SMG1: variants seen among roughly 807,000 people sequenced by gnomAD.
SMG1 encodes the protein SMG1 nonsense mediated mRNA decay associated PI3K related kinase, also known as serine/threonine-protein kinase SMG1.
SMG1 carries 22 observed loss-of-function variants against 419.9 expected under a neutral mutation model. That is an observed-to-expected ratio of 0.05 (90% CI 0.04 to 0.07). The LOEUF is 0.07. Ranked by LOEUF, SMG1 falls within the 10% of genes least tolerant of loss-of-function variation. SMG1 has a pLI of 1.00. For synonymous variants in SMG1, 1,538 were observed against 1,553.5 expected, an observed-to-expected ratio of 0.99 and a Z score of 0.23; for missense variants, 3,185 against 4,342.0, an observed-to-expected ratio of 0.73 and a Z score of 7.49.
chr16:18,850,569 G>C, intron 33 of SMG1, 102 bp from the exon 34 acceptor site: 1 of 732,600 alleles, frequency 1.4e-6, no homozygotes, highest in Non-Finnish European at 2.2e-6. Flanking sequence ...ATATATAAAA[G>C]ATAAAATTAT....
At chr16:18,880,351 T>C (rs529479568) in intron 10 of SMG1, among the ~76,000 whole-genome samples, 1 of 152,226 alleles carries the variant, frequency 6.6e-6, no homozygotes, top group African/African-American at 2.4e-5. Context: ...TGTTAAAAAA[T>C]ATTTCTATAA....
At chr16:18,837,188 T>C in intron 46 of SMG1, 65 bp downstream of exon 46, 1 of 1,382,760 alleles carries the variant, frequency 7.2e-7, no homozygotes, top group Non-Finnish European at 9.9e-7. Flanking sequence ...CATATTGATG[T>C]TTACATGAAT....
At chr16:18,887,677 A>T (rs1276624116) in intron 6 of SMG1, among the ~76,000 whole-genome samples, 24 of 71,708 alleles carry the variant, frequency 3.3e-4, no homozygotes, top group Middle Eastern at 7.7e-3. Context: ...TTATTTAAAA[A>T]AAAAAAAAAA....
chr16:18,842,677 T>TA (rs1255009765), intron 39 of SMG1, among the ~76,000 whole-genome samples: 1 of 151,972 alleles, frequency 6.6e-6, no homozygotes, highest in Admixed American at 6.6e-5. Context: ...ATACAAAAGT[T>TA]AGTCAGGCAC....
chr16:18,866,861 G>C (rs1394122309), intron 22 of SMG1, 86 bp from the exon 23 acceptor site: 1 of 963,298 alleles, frequency 1.0e-6, no homozygotes, highest in Non-Finnish European at 1.6e-6. Context: ...GTCTGTGCCT[G>C]CTTAAAGCCA....
intron 36 of SMG1, 76 bp from the exon 37 acceptor site, chr16:18,848,109 G>T: frequency 8.1e-7 from 1 of 1,234,662 alleles, no homozygotes; most frequent in African/African-American, 1.5e-5. Flanking sequence ...GGAAAACACT[G>T]ATAATCTATT....
In SMG1 at chr16:18,807,542, A is replaced by AT. The variant is rs2030951741; in HGVS notation, c.*2026_*2027insA. 2 of 152,178 alleles carry AT rather than the reference A, an allele frequency of 1.3e-5. No individual in the cohort carries two copies. Among genetic ancestry groups the AT allele is most frequent in the African/African-American group, 4.8e-5 (2 of 41,408 alleles). The allele number at this position is 152,178 out of a possible 1,614,324, so 9.4% of individuals were successfully genotyped here. Reference sequence around the variant, plus strand: ...ATCCACCGTGCCTACAATACTTGTTAAAGTACCAAAAAAGCACTGATACTG... The same window carrying AT: ...ATCCACCGTGCCTACAATACTTGTTATAAGTACCAAAAAAGCACTGATACTG... On this transcript the variant is annotated 3_prime_UTR_variant, in exon 63 of 63. Coordinates refer to ENST00000446231, the MANE Select transcript of SMG1 (RefSeq NM_015092.5).
intron 31 of SMG1, among the ~76,000 whole-genome samples, 164 bp downstream of exon 31, chr16:18,853,419 C>T (rs1567370788): frequency 6.6e-6 from 1 of 152,104 alleles, no homozygotes; most frequent in Non-Finnish European, 1.5e-5. Flanking sequence ...AAATGGCATT[C>T]GATCCTAAAT....
At chr16:18,876,917 C>A (rs2036162760) in intron 12 of SMG1, among the ~76,000 whole-genome samples, 1 of 151,924 alleles carries the variant, frequency 6.6e-6, no homozygotes, top group Non-Finnish European at 1.5e-5. Flanking sequence ...GCAAAAGATG[C>A]ATAGTCTGAA....
At position 18,836,380 on chromosome 16, in the gene SMG1, A is replaced by C. The variant is rs1007240709; in HGVS notation, c.7757T>G (p.Ile2586Arg). 6.2e-7 allele frequency: 1 copy of C among 1,613,902 alleles called. No individual in the cohort carries two copies. The highest frequency in any genetic ancestry group is 8.5e-7 in the Non-Finnish European group (1 of 1,179,828). Residue 2586 changes from isoleucine (I) to arginine (R), a missense_variant, in exon 47 of 63, where the codon ATA (isoleucine) becomes AGA (arginine). Coordinates refer to ENST00000446231, the MANE Select transcript of SMG1 (RefSeq NM_015092.5). ...CATACCAAGGTCCATTTGTGTGCTT[A>C]TCTCTTGAAGCAAGCTTGCAAGCTG... is the stretch of plus-strand genomic sequence containing the variant. Reference protein sequence around the residue: ...ATQLASLLQEISTQMDLGPPS... With the variant: ...ATQLASLLQERSTQMDLGPPS...
In SMG1 at chr16:18,908,902, T is replaced by C. The variant is rs145917166; in HGVS notation, c.93-11946A>G. On this transcript the variant is annotated intron_variant, in intron 1 of 62. Coordinates refer to ENST00000446231, the MANE Select transcript of SMG1 (RefSeq NM_015092.5). ...CTCAAAAAAAAAAAAAAGAAATGTA[T>C]GCAACCATTTTTTTCAACTCCTGAA... Among the ~76,000 whole-genome samples, 1,136 of 151,784 alleles carry C rather than the reference T, an allele frequency of 7.5e-3. 17 individuals are homozygous for C. The highest frequency in any genetic ancestry group is 0.026 in the African/African-American group (1,079 of 41,394).
intron 1 of SMG1, among the ~76,000 whole-genome samples, chr16:18,902,279 G>T (rs527394046): frequency 6.6e-6 from 1 of 152,092 alleles, no homozygotes; most frequent in Non-Finnish European, 1.5e-5. Flanking sequence ...GAACTTCCCC[G>T]AACTCTGCCC....
In SMG1 at chr16:18,836,110, A is replaced by C; in HGVS notation, c.7880T>G (p.Leu2627Arg). Residue 2627 changes from leucine to arginine, a missense_variant, in exon 48 of 63, where the codon CTG becomes CGG. By Grantham distance (102) the Leu-to-Arg change is moderately radical (BLOSUM62 -2). Around this residue, in one of 27 missense-constraint regions of SMG1, gnomAD observed 412 missense variants for 546.6 expected, o/e 0.75. Coordinates refer to ENST00000446231, the MANE Select transcript of SMG1 (RefSeq NM_015092.5). The part of the protein sequence containing the change: ...EQLEGEVGAL[L>R]QQRRSVLRGC... Reference sequence around the variant, plus strand: ...ACGGAGCACGGAGCGCCTCTGCTGCAGGAGAGCACCAACCTCCCCCTCCAG... The same window carrying C: ...ACGGAGCACGGAGCGCCTCTGCTGCCGGAGAGCACCAACCTCCCCCTCCAG... 6.2e-7 allele frequency: 1 copy of C among 1,609,558 alleles called. No individual in the cohort carries two copies. Among genetic ancestry groups the C allele is most frequent in the African/African-American group, 1.3e-5 (1 of 74,958 alleles).
chr16:18,842,566 T>C, intron 39 of SMG1, 112 bp from the exon 40 acceptor site: 1 of 1,073,104 alleles, frequency 9.3e-7, no homozygotes, highest in South Asian at 1.6e-5. Flanking sequence ...AGCTCATGCC[T>C]GTAATCCCAG....
intron 43 of SMG1, 34 bp downstream of exon 43, chr16:18,838,517 G>A (rs745631029): frequency 1.2e-6 from 2 of 1,613,836 alleles, no homozygotes; most frequent in Admixed American, 1.7e-5. Context: ...AAAACATTTG[G>A]CCCTCATAAA....
chr16:18,893,555 G>A (rs1244036825), intron 3 of SMG1, among the ~76,000 whole-genome samples: 1 of 152,140 alleles, frequency 6.6e-6, no homozygotes, highest in Admixed American at 6.5e-5. Context: ...AGCCTGGGAA[G>A]CGAAGGTTGC....
intron 1 of SMG1, among the ~76,000 whole-genome samples, chr16:18,910,692 TATA>T (rs951171809): frequency 1.3e-5 from 2 of 152,160 alleles, no homozygotes; most frequent in Non-Finnish European, 2.9e-5. Flanking sequence ...TATACATTCT[TATA>T]ATGATATGAT....
intron 1 of SMG1, among the ~76,000 whole-genome samples, chr16:18,920,053 T>C (rs1175002297): frequency 1.3e-5 from 2 of 151,698 alleles, no homozygotes; most frequent in Non-Finnish European, 2.9e-5. Flanking sequence ...ATCGTGCCAC[T>C]GCACTCCAGC....
chr16:18,909,500 G>A (rs1374389566), intron 1 of SMG1, among the ~76,000 whole-genome samples: 1 of 152,168 alleles, frequency 6.6e-6, no homozygotes, highest in African/African-American at 2.4e-5. Context: ...GCAACACAGT[G>A]AGACTGTGTC....
Sources: gnomAD v4.1 joint callset for allele counts (sites outside exome capture counted in the v4.1 genomes callset) on GRCh38, gnomAD v4.1.1 for gene constraint, gnomAD v4.1.1 regional missense constraint, MANE v1.5 for transcripts, NCBI Gene and HGNC (gene_info 2026-07-23, HGNC 2026-07-21) for gene names.